Variants in TEX51 observed in about 807,000 individuals in gnomAD.
The protein encoded by TEX51 is testis expressed 51.
TEX51 carries 14 observed loss-of-function variants against 8.0 expected under a neutral mutation model. That is an observed-to-expected ratio of 1.76 (90% CI 1.16 to 2.75). TEX51 has a LOEUF of 2.75. Among genes scored for constraint, TEX51 ranks in the 30% most tolerant of loss-of-function variants. TEX51 has a pLI of 0.00. For missense variants in TEX51, 142 were observed against 77.4 expected, an observed-to-expected ratio of 1.83 and a Z score of -3.13; for synonymous variants, 58 against 28.6, an observed-to-expected ratio of 2.03 and a Z score of -3.29.
chr2:126,899,219 C>T lies in TEX51; in HGVS notation c.148C>T (p.Arg50Cys), dbSNP rs532751361. ...TTTGACCTGTATCTCATCCTCAGATCGTGACCATTTGGAAGAAGAAACAGC... is the reference window on the plus strand; with the variant it reads ...TTTGACCTGTATCTCATCCTCAGATTGTGACCATTTGGAAGAAGAAACAGC... Reference protein sequence around the residue: ...PGPPTELSQNRDHLEEETAKF... With the variant: ...PGPPTELSQNCDHLEEETAKF... Residue 50 changes from arginine to cysteine, a missense_variant and splice_region_variant, in exon 2 of 7, where the codon CGT becomes TGT. Transcript: ENST00000568484. 37 of 702,262 alleles carry T rather than the reference C, an allele frequency of 5.3e-5. 1 individual carries two copies. The highest frequency in any genetic ancestry group is 3.8e-4 in the African/African-American group (22 of 57,336). The allele number at this position is 702,262 out of a possible 1,614,324, so 43.5% of individuals were successfully genotyped here.
chr2:126,901,539 G>A (rs879486800), intron 6 of TEX51, 135 bp downstream of exon 6: 1 of 623,108 alleles, frequency 1.6e-6, no homozygotes, highest in Non-Finnish European at 2.9e-6. Context: ...GTGGGATCGA[G>A]GGCCAGGACT....
At position 126,901,951 on chromosome 2, in the gene TEX51, TC is replaced by T; in HGVS notation, c.*85del. On this transcript the variant is annotated 3_prime_UTR_variant, in exon 7 of 7. Transcript: ENST00000568484. ...GTCACAAAGTTCACTCATCTCTGGG[TC>T]CCGGTGACCCCATCCCCCCATACCC... The T allele has an allele frequency of 1.5e-6, 1 of 668,940 alleles. No individual in the cohort carries two copies. The allele number at this position is 668,940 out of a possible 1,614,324, so 41.4% of individuals were successfully genotyped here.
intron 4 of TEX51, among the ~76,000 whole-genome samples, chr2:126,900,316 C>T (rs1451403896): frequency 6.6e-6 from 1 of 151,462 alleles, no homozygotes; most frequent in Non-Finnish European, 1.5e-5. Flanking sequence ...GTCGCTTGGA[C>T]CCGGGAGGTG....
chr2:126,901,083 C>T (rs1680304095), intron 4 of TEX51, 127 bp from the exon 5 acceptor site: 1 of 569,550 alleles, frequency 1.8e-6, no homozygotes, highest in African/African-American at 1.9e-5. Context: ...GCACAGCGTG[C>T]TCAGTAAGTG....
At chr2:126,901,460 G>C (rs1680326484) in intron 6 of TEX51, 56 bp downstream of exon 6, 1 of 700,570 alleles carries the variant, frequency 1.4e-6, no homozygotes, top group South Asian at 1.5e-5. Context: ...GAAAAGCTGG[G>C]TGTGCCCTGG....
chr2:126,899,729 C>T, intron 3 of TEX51, 117 bp downstream of exon 3: 1 of 699,520 alleles, frequency 1.4e-6, no homozygotes, highest in Non-Finnish European at 2.6e-6. Flanking sequence ...CCACCCCTCT[C>T]CATGAATGCC....
chr2:126,899,477 G>A (rs1680202326), intron 2 of TEX51, 46 bp from the exon 3 acceptor site: 1 of 686,238 alleles, frequency 1.5e-6, no homozygotes, highest in Non-Finnish European at 2.7e-6. Context: ...ACCCAACCTT[G>A]AGCAAGTTGT....
intron 6 of TEX51, 46 bp downstream of exon 6, chr2:126,901,450 G>A (rs1461978376): frequency 1.4e-6 from 1 of 701,546 alleles, no homozygotes; most frequent in Non-Finnish European, 2.6e-6. Flanking sequence ...CTCCCAGAGG[G>A]AAAAGCTGGG....
In TEX51 at chr2:126,899,914, C is replaced by A. The variant is rs1192872249; in HGVS notation, c.311-22C>A. 8.5e-6 allele frequency: 6 copies of A among 702,070 alleles called. No homozygotes were observed. The Admixed American group carries it at 1.2e-4, about 14-fold the overall frequency. The allele number at this position is 702,070 out of a possible 1,614,324, so 43.5% of individuals were successfully genotyped here. A position where few individuals can be genotyped will look rare whatever the true frequency, so the allele number is the denominator to read the frequency against. On this transcript the variant is annotated intron_variant, in intron 3 of 6. Transcript: ENST00000568484. The stretch of plus-strand genomic sequence containing the variant: ...TGAAAGGCACCTGGCACCCCCTAGC[C>A]CCTGTCCCTCCCCTCCCATAGACAT...
rs1008565043 is a variant in TEX51, at chr2:126,899,217, A to T, written c.146A>T (p.Asn49Ile). ...CCTTTGACCTGTATCTCATCCTCAGATCGTGACCATTTGGAAGAAGAAACA... is the reference window on the plus strand; with the variant it reads ...CCTTTGACCTGTATCTCATCCTCAGTTCGTGACCATTTGGAAGAAGAAACA... Reference protein sequence around the residue: ...TPGPPTELSQNRDHLEEETAK... With the variant: ...TPGPPTELSQIRDHLEEETAK... Residue 49 changes from asparagine (N) to isoleucine (I), a missense_variant and splice_region_variant, in exon 2 of 7, where the codon AAT (asparagine) becomes ATT (isoleucine). By Grantham distance (149) the Asn-to-Ile change is moderately radical (BLOSUM62 -3). Coordinates refer to ENST00000568484, the MANE Select transcript of TEX51 (RefSeq NM_001322244.2). 1.4e-6 allele frequency: 1 copy of T among 702,120 alleles called. No individual in the cohort carries two copies. Among genetic ancestry groups the T allele is most frequent in the Non-Finnish European group, 2.6e-6 (1 of 384,796 alleles). 43.5% of individuals were successfully genotyped at this position (702,120 alleles called of 1,614,324 possible). A position where few individuals can be genotyped will look rare whatever the true frequency, so the allele number is the denominator to read the frequency against.
intron 3 of TEX51, 139 bp downstream of exon 3, chr2:126,899,751 A>G: frequency 1.4e-6 from 1 of 700,830 alleles, no homozygotes; most frequent in Non-Finnish European, 2.6e-6. Flanking sequence ...TCCCGGCTCC[A>G]TCTCCTACTT....
Position 126,901,348 on chromosome 2 carries a change from C to G in TEX51, c.464-17C>G. 1 of 702,322 alleles carries G rather than the reference C, an allele frequency of 1.4e-6. No homozygotes were observed. Among genetic ancestry groups the G allele is most frequent in the Non-Finnish European group, 2.6e-6 (1 of 384,806 alleles). The allele number at this position is 702,322 out of a possible 1,614,324, so 43.5% of individuals were successfully genotyped here. On this transcript the variant is annotated splice_polypyrimidine_tract_variant and intron_variant, in intron 5 of 6. Transcript: ENST00000568484. ...ACACCTATTCCCTGACTGACTCCAC[C>G]CTGTTTCTTGGCCCAGATGTTTCTT...
Position 126,900,199 on chromosome 2 carries a change from T to C in TEX51, c.394+180T>C, listed in dbSNP as rs942775941. Among the ~76,000 whole-genome samples, 9 of 152,134 alleles carry C rather than the reference T, an allele frequency of 5.9e-5. No homozygotes were observed. The East Asian group carries it at 1.4e-3, about 23-fold the overall frequency. ...TCCTCATGTCAAGCTCCAGAGCCCC[T>C]TGGAGGCATCTGCCTGTAGGACATC... On this transcript the variant is annotated intron_variant, in intron 4 of 6. Coordinates refer to ENST00000568484, the MANE Select transcript of TEX51 (RefSeq NM_001322244.2).
chr2:126,901,340 G>C (rs1180458141), intron 5 of TEX51, 25 bp from the exon 6 acceptor site: 1 of 702,278 alleles, frequency 1.4e-6, no homozygotes. Context: ...TTCCCTGACT[G>C]ACTCCACCCT....
Position 126,901,452 on chromosome 2 carries a change from A to G in TEX51, c.*2+48A>G, listed in dbSNP as rs988068200. ...CCCAATTCTAGGGCTCCCAGAGGGA[A>G]AAGCTGGGTGTGCCCTGGGAGTCTC... On this transcript the variant is annotated intron_variant, in intron 6 of 6. Transcript: ENST00000568484. The G allele has an allele frequency of 1.1e-5, 8 of 701,354 alleles. No individual in the cohort carries two copies. In the African/African-American group the frequency reaches 1.4e-4, roughly 12 times the overall value. The allele number at this position is 701,354 out of a possible 1,614,324, so 43.4% of individuals were successfully genotyped here.
At chr2:126,901,638 C>T (rs1317755479) in intron 6 of TEX51, 1 of 599,494 alleles carries the variant, frequency 1.7e-6, no homozygotes, top group African/African-American at 1.9e-5. Flanking sequence ...TCCAGGCCTC[C>T]CATCCTCACT....
intron 4 of TEX51, among the ~76,000 whole-genome samples, chr2:126,900,723 C>T (rs114629709): frequency 6.3e-4 from 96 of 152,252 alleles, no homozygotes; most frequent in African/African-American, 2.2e-3. Flanking sequence ...GCAAGTCTAC[C>T]CATGACACTC....
chr2:126,901,470 G>A, intron 6 of TEX51, 66 bp downstream of exon 6: 1 of 698,336 alleles, frequency 1.4e-6, no homozygotes, highest in Non-Finnish European at 2.6e-6. Context: ...GTGTGCCCTG[G>A]GAGTCTCAGG....
chr2:126,899,118 G>A (rs1680178407), intron 1 of TEX51, 55 bp downstream of exon 1: 2 of 701,034 alleles, frequency 2.9e-6, no homozygotes, highest in African/African-American at 3.5e-5. Context: ...TGGTACCTTG[G>A]TGAGGCACAG....
Sources: gnomAD v4.1 joint callset for allele counts (sites outside exome capture counted in the v4.1 genomes callset) on GRCh38, gnomAD v4.1.1 for gene constraint, MANE v1.5 for transcripts, NCBI Gene and HGNC (gene_info 2026-07-23, HGNC 2026-07-21) for gene names.